The following TMEM132B variants were observed in gnomAD, a reference collection of about 807,000 sequenced individuals.
TMEM132B encodes transmembrane protein 132B.
A neutral mutation model predicts 90.8 loss-of-function variants in TMEM132B; 18 were observed. That is an observed-to-expected ratio of 0.20 (90% confidence interval 0.14 to 0.29). TMEM132B has a LOEUF of 0.29. Among genes scored for constraint, TMEM132B ranks in the 10% least tolerant of loss-of-function variants. TMEM132B has a pLI of 1.00. For synonymous variants in TMEM132B, 504 were observed against 523.3 expected (o/e 0.96, Z 0.50); for missense variants, 1,096 against 1,326.8 (o/e 0.83, Z 2.70).
At chr12:125,336,823 T>C (rs1020688819) in intron 1 of TMEM132B, among the ~76,000 whole-genome samples, 1 of 152,226 alleles carries the variant, frequency 6.6e-6, no homozygotes, top group African/African-American at 2.4e-5. Context: ...CAGGTGTCTG[T>C]CTGCCTTTTG....
rs202176357 is a variant in TMEM132B at position 125,612,565 on chromosome 12, AATATATATAAAAT to A, written c.1437+28578_1437+28590del. Among the ~76,000 whole-genome samples, 511 of 146,100 alleles carry A rather than the reference AATATATATAAAAT, an allele frequency of 3.5e-3. 1 individual carries two copies. Among genetic ancestry groups the A allele is most frequent in the African/African-American group, 0.012 (471 of 40,370 alleles). On this transcript the variant is annotated intron_variant, in intron 5 of 8. Coordinates refer to ENST00000682704, the MANE Select transcript of TMEM132B (RefSeq NM_001366854.1). ...ATGATGTTTTGAAGTATATATATAT[AATATATATAAAAT>A]ATATATTATATATATACTTCAAACA...
At chr12:125,284,572 G>A (rs73233338) in intron 1 of TMEM132B, among the ~76,000 whole-genome samples, 3 of 152,088 alleles carry the variant, frequency 2.0e-5, no homozygotes, top group African/African-American at 7.2e-5. Flanking sequence ...GCCAGTTTGC[G>A]TAGCATTGTC....
intron 1 of TMEM132B, among the ~76,000 whole-genome samples, chr12:125,201,783 G>A (rs1211686894): frequency 6.6e-6 from 1 of 152,222 alleles, no homozygotes; most frequent in East Asian, 1.9e-4. Context: ...ACGTAGTTAA[G>A]CTTGACATCA....
chr12:125,191,336 C>CT (rs978127063), intron 1 of TMEM132B, among the ~76,000 whole-genome samples: 3 of 152,074 alleles, frequency 2.0e-5, no homozygotes, highest in Non-Finnish European at 2.9e-5. Flanking sequence ...TGATGGGATG[C>CT]TCACCACTCT....
intron 6 of TMEM132B, among the ~76,000 whole-genome samples, chr12:125,648,435 T>C (rs1886821655): frequency 6.6e-6 from 1 of 152,156 alleles, no homozygotes; most frequent in Non-Finnish European, 1.5e-5. Flanking sequence ...ATAAGCTCTA[T>C]GTATACCATT....
chr12:125,361,989 C>T (rs1389290627), intron 2 of TMEM132B, among the ~76,000 whole-genome samples: 2 of 152,198 alleles, frequency 1.3e-5, no homozygotes, highest in Non-Finnish European at 1.5e-5. Context: ...TGTACCAAGC[C>T]ACACTTAGAT....
Position 125,400,795 on chromosome 12 carries a change from C to T in TMEM132B, c.960-14736C>T, listed in dbSNP as rs149596602. Among the ~76,000 whole-genome samples, 464 of 152,298 alleles carry T rather than the reference C, an allele frequency of 3.0e-3. 4 individuals are homozygous for T. The highest frequency in any genetic ancestry group is 0.01 in the African/African-American group (436 of 41,562). ...CTTAATCACACCCTGAAAATGTTCC[C>T]GTGCCCCAGGCTGGGCTTATCTCAG... On this transcript the variant is annotated intron_variant, in intron 2 of 8. Coordinates refer to ENST00000682704, the MANE Select transcript of TMEM132B (RefSeq NM_001366854.1).
At chr12:125,430,405 A>G (rs1381627959) in intron 3 of TMEM132B, among the ~76,000 whole-genome samples, 1 of 151,966 alleles carries the variant, frequency 6.6e-6, no homozygotes, top group Admixed American at 6.6e-5. Context: ...GCCTGGGGCT[A>G]CTGGAGATAG....
At chr12:125,312,988 C>A (rs1186106291) in intron 1 of TMEM132B, among the ~76,000 whole-genome samples, 3 of 152,184 alleles carry the variant, frequency 2.0e-5, no homozygotes, top group African/African-American at 7.2e-5. Flanking sequence ...TTCCTGGAAG[C>A]CTGCACATGC....
At chr12:125,641,897 A>G (rs1886640006) in intron 5 of TMEM132B, among the ~76,000 whole-genome samples, 1 of 152,322 alleles carries the variant, frequency 6.6e-6, no homozygotes, top group African/African-American at 2.4e-5. Context: ...GGACTGAGAA[A>G]GTTCTGGCAA....
chr12:125,411,664 G>T (rs1323695181), intron 2 of TMEM132B, among the ~76,000 whole-genome samples: 1 of 152,070 alleles, frequency 6.6e-6, no homozygotes, highest in Non-Finnish European at 1.5e-5. Flanking sequence ...GTTGACCGGG[G>T]GAAGGTAAAG....
intron 1 of TMEM132B, among the ~76,000 whole-genome samples, chr12:125,202,766 A>G (rs560575672): frequency 3.9e-5 from 6 of 152,342 alleles, no homozygotes; most frequent in East Asian, 1.9e-4. Flanking sequence ...CCTAGAAGCT[A>G]TCTACCATTA....
intron 5 of TMEM132B, among the ~76,000 whole-genome samples, chr12:125,613,718 A>G (rs1593022818): frequency 6.6e-6 from 1 of 152,144 alleles, no homozygotes; most frequent in Non-Finnish European, 1.5e-5. Flanking sequence ...TGTTATAGAT[A>G]TTACATGTCT....
At chr12:125,200,968 A>G (rs1034114980) in intron 1 of TMEM132B, among the ~76,000 whole-genome samples, 2 of 152,224 alleles carry the variant, frequency 1.3e-5, no homozygotes, top group African/African-American at 4.8e-5. Flanking sequence ...GCACCGTCTA[A>G]GTTCTCTGGT....
chr12:125,365,401 A>G (rs1473199126), intron 2 of TMEM132B, among the ~76,000 whole-genome samples: 1 of 152,042 alleles, frequency 6.6e-6, no homozygotes, highest in Non-Finnish European at 1.5e-5. Context: ...GAATATTATA[A>G]CTTTTACTTT....
intron 2 of TMEM132B, among the ~76,000 whole-genome samples, chr12:125,352,072 G>T (rs1441792668): frequency 6.6e-6 from 1 of 152,168 alleles, no homozygotes; most frequent in Non-Finnish European, 1.5e-5. Context: ...GTGAAACCAG[G>T]ATTAAATACA....
chr12:125,387,230 A>G (rs970374009), intron 2 of TMEM132B, among the ~76,000 whole-genome samples: 3 of 152,106 alleles, frequency 2.0e-5, no homozygotes, highest in Non-Finnish European at 4.4e-5. Context: ...AAAAGGGGTA[A>G]GAGTTTTTTG....
intron 1 of TMEM132B, among the ~76,000 whole-genome samples, chr12:125,332,136 A>T (rs1480054423): frequency 6.6e-6 from 1 of 152,218 alleles, no homozygotes; most frequent in East Asian, 1.9e-4. Flanking sequence ...ATAAATGTCT[A>T]AAGAGCTAAT....
intron 1 of TMEM132B, among the ~76,000 whole-genome samples, chr12:125,325,998 C>T (rs892951443): frequency 6.6e-6 from 1 of 152,160 alleles, no homozygotes; most frequent in African/African-American, 2.4e-5. Flanking sequence ...ACTCCAGGGC[C>T]CTGCAGCTCT....
Sources: allele counts gnomAD v4.1 joint callset (sites outside exome capture counted in the v4.1 genomes callset), GRCh38; gene constraint gnomAD v4.1.1; transcripts MANE v1.5; gene names NCBI Gene and HGNC (gene_info 2026-07-23, HGNC 2026-07-21).